ATAD2B: variants seen among roughly 807,000 people sequenced by gnomAD.
ATAD2B encodes the protein ATPase family AAA domain containing 2B, also known as ATPase family AAA domain-containing protein 2B.
A neutral mutation model predicts 167.6 loss-of-function variants in ATAD2B; 40 were observed. That is an observed-to-expected ratio of 0.24 (90% CI 0.19 to 0.31). The LOEUF is 0.31. Ranked by LOEUF, ATAD2B falls within the 10% of genes least tolerant of loss-of-function variation. ATAD2B has a pLI of 1.00. For synonymous variants in ATAD2B, 579 were observed against 596.5 expected (o/e 0.97, Z 0.43); for missense variants, 1,242 against 1,757.2 (o/e 0.71, Z 5.24).
At position 23,751,816 on chromosome 2, in the gene ATAD2B, T is replaced by A. The variant is rs571240949; in HGVS notation, c.*230A>T. ...TCTCCAAGCTGTGGGGTTGTATTTT[T>A]TATTTGTGGAAAATACAACATGTTT... On this transcript the variant is annotated 3_prime_UTR_variant, in exon 28 of 28. Coordinates refer to ENST00000238789, the MANE Select transcript of ATAD2B (RefSeq NM_017552.4). 8.7e-5 allele frequency: 45 copies of A among 515,454 alleles called. 1 individual carries two copies. In the African/African-American group the frequency reaches 9.0e-4, roughly 10 times the overall value. 31.9% of individuals were successfully genotyped at this position (515,454 alleles called of 1,614,324 possible).
intron 16 of ATAD2B, 116 bp downstream of exon 16, chr2:23,823,127 CCTGGAATATATAGTA>C (rs1687718560): frequency 1.3e-6 from 1 of 797,720 alleles, no homozygotes; most frequent in Admixed American, 2.9e-5. Flanking sequence ...ATATGCCAGG[CCTGGAATATATAGTA>C]CTGAATAAAC....
At chr2:23,691,723 C>T in the ATAD2B span, 1 of 1,551,812 alleles carries the variant, frequency 6.4e-7, no homozygotes, top group Admixed American at 2.0e-5. Context: ...GGAGCTCGTC[C>T]TGTCGAACCT....
chr2:23,703,468 T>A, the ATAD2B span: 1 of 1,221,588 alleles, frequency 8.2e-7, no homozygotes, highest in Non-Finnish European at 1.1e-6. Context: ...GAAGTCAGGC[T>A]AAGCCCAACA....
At chr2:23,833,265 C>T (rs79474583) in intron 14 of ATAD2B, among the ~76,000 whole-genome samples, 3,984 of 152,266 alleles carry the variant, frequency 0.026, 175 homozygotes, top group African/African-American at 0.091. Flanking sequence ...CAAAGCTATA[C>T]ATATTCACAT....
chr2:23,906,608 C>G (rs550148658), intron 1 of ATAD2B, among the ~76,000 whole-genome samples: 1 of 152,092 alleles, frequency 6.6e-6, no homozygotes, highest in South Asian at 2.1e-4. Context: ...GGGTGTTAAA[C>G]TCATTTTATG....
At chr2:23,747,764 T>C (rs114859154), downstream of ATAD2B, among the ~76,000 whole-genome samples, 1,964 of 152,208 alleles carry the variant, frequency 0.013, 18 homozygotes, top group Middle Eastern at 0.02. Flanking sequence ...AACATATACA[T>C]GTGGGGGTAA....
intron 13 of ATAD2B, among the ~76,000 whole-genome samples, chr2:23,847,574 G>T (rs1691863577): frequency 6.6e-6 from 1 of 152,006 alleles, no homozygotes; most frequent in African/African-American, 2.4e-5. Flanking sequence ...GGCTAAGGTG[G>T]GAGGATCAGT....
At chr2:23,780,618 G>A (rs1679878245) in intron 22 of ATAD2B, among the ~76,000 whole-genome samples, 1 of 151,986 alleles carries the variant, frequency 6.6e-6, no homozygotes, top group Non-Finnish European at 1.5e-5. Context: ...ACAAAGCACA[G>A]GCCAGGCGCG....
At chr2:23,874,041 G>C (rs549021938) in intron 8 of ATAD2B, among the ~76,000 whole-genome samples, 1 of 152,096 alleles carries the variant, frequency 6.6e-6, no homozygotes, top group Non-Finnish European at 1.5e-5. Context: ...ACAAAAATTA[G>C]CCTGGCATGG....
At chr2:23,731,419 T>C in the ATAD2B span, among the ~76,000 whole-genome samples, 1 of 152,192 alleles carries the variant, frequency 6.6e-6, no homozygotes, top group Non-Finnish European at 1.5e-5. Flanking sequence ...CAAATATCAG[T>C]CACTGATGAC....
At chr2:23,904,143 G>C (rs1431876965) in intron 1 of ATAD2B, among the ~76,000 whole-genome samples, 1 of 151,978 alleles carries the variant, frequency 6.6e-6, no homozygotes, top group African/African-American at 2.4e-5. Flanking sequence ...TATGAAACAT[G>C]GTCATAAAAG....
chr2:23,852,173 T>C lies in ATAD2B; in HGVS notation c.1568+5242A>G, dbSNP rs1320251959. Among the ~76,000 whole-genome samples the C allele has an allele frequency of 2.6e-5, 4 of 152,316 alleles. No individual in the cohort carries two copies. In the East Asian group the frequency reaches 7.7e-4, roughly 29 times the overall value. On this transcript the variant is annotated intron_variant, in intron 13 of 27. Coordinates refer to ENST00000238789, the MANE Select transcript of ATAD2B (RefSeq NM_017552.4). ...TAACTTGTAATCAAAAACCTTTCCA[T>C]AAACAAAACTCCAGGCCCAGGTATT...
chr2:23,877,429 G>A (rs993334055), intron 7 of ATAD2B, among the ~76,000 whole-genome samples: 11 of 146,556 alleles, frequency 7.5e-5, no homozygotes, highest in Non-Finnish European at 1.4e-4. Context: ...AGGAGGCAGA[G>A]GTTGCAGTGA....
chr2:23,924,108 C>CA (rs1553462850), intron 1 of ATAD2B, among the ~76,000 whole-genome samples: 2 of 151,634 alleles, frequency 1.3e-5, no homozygotes, highest in Non-Finnish European at 2.9e-5. Flanking sequence ...GCGTGAACCC[C>CA]GGGGGGCGGA....
At chr2:23,712,561 G>A in the ATAD2B span, among the ~76,000 whole-genome samples, 1 of 152,174 alleles carries the variant, frequency 6.6e-6, no homozygotes, top group Non-Finnish European at 1.5e-5. Flanking sequence ...GAGGAGAGGG[G>A]AGAACAGCAT....
At chr2:23,886,756 C>G (rs1357505445) in intron 4 of ATAD2B, among the ~76,000 whole-genome samples, 1 of 149,656 alleles carries the variant, frequency 6.7e-6, no homozygotes, top group East Asian at 2.0e-4. Context: ...ACGGTGAAAC[C>G]CCATCTCTAC....
chr2:23,730,665 C>CAA, the ATAD2B span, among the ~76,000 whole-genome samples: 1,853 of 31,304 alleles, frequency 0.059, 100 homozygotes, highest in East Asian at 0.072. Context: ...GACTCCGTTT[C>CAA]AAAAAAAAAA....
At chr2:23,770,700 A>G (rs964092681) in intron 22 of ATAD2B, among the ~76,000 whole-genome samples, 2 of 152,176 alleles carry the variant, frequency 1.3e-5, no homozygotes, top group African/African-American at 2.4e-5. Context: ...CCATTGACCT[A>G]TTTGTCAAAC....
intron 13 of ATAD2B, among the ~76,000 whole-genome samples, chr2:23,841,201 G>C (rs1690850523): frequency 1.4e-5 from 2 of 144,274 alleles, no homozygotes; most frequent in Non-Finnish European, 3.0e-5. Flanking sequence ...TAGCCTCCCA[G>C]AGTGCTGGGA....
Sources: allele counts gnomAD v4.1 joint callset (sites outside exome capture counted in the v4.1 genomes callset), GRCh38; gene constraint gnomAD v4.1.1; transcripts MANE v1.5; gene names NCBI Gene and HGNC (gene_info 2026-07-23, HGNC 2026-07-21).